GOLGA4: variants seen among roughly 807,000 people sequenced by gnomAD.
GOLGA4 encodes the protein golgin subfamily A member 4.
GOLGA4 carries 169 observed loss-of-function variants against 265.9 expected under a neutral mutation model. The ratio of observed to expected loss-of-function variants is 0.64; its 90% CI spans 0.56 to 0.72. The LOEUF is 0.72. Ranked by LOEUF, GOLGA4 falls within the 30% of genes least tolerant of loss-of-function variation. GOLGA4 has a pLI of 0.00. For synonymous variants in GOLGA4, 923 were observed against 855.8 expected, an observed-to-expected ratio of 1.08 and a Z score of -1.37; for missense variants, 2,482 against 2,483.4, an observed-to-expected ratio of 1.00 and a Z score of 0.01.
intron 21 of GOLGA4, among the ~76,000 whole-genome samples, chr3:37,348,301 A>G (rs1369739566): frequency 1.3e-5 from 2 of 152,202 alleles, no homozygotes; most frequent in Non-Finnish European, 2.9e-5. Context: ...TGAATCCTTA[A>G]TATCTGTAGA....
chr3:37,332,366 G>A (rs945036665), intron 16 of GOLGA4, among the ~76,000 whole-genome samples: 6 of 152,126 alleles, frequency 3.9e-5, no homozygotes, highest in African/African-American at 1.4e-4. Flanking sequence ...GCATGGCCAC[G>A]CCCAGTGGCT....
chr3:37,365,987 A>T (rs1159447972), intron 23 of GOLGA4, 93 bp from the exon 24 acceptor site: 1 of 1,104,996 alleles, frequency 9.0e-7, no homozygotes, highest in Non-Finnish European at 1.3e-6. Flanking sequence ...TTTTATTTCA[A>T]ACTTGAAAAA....
intron 2 of GOLGA4, among the ~76,000 whole-genome samples, chr3:37,281,722 A>G (rs142713723): frequency 6.6e-6 from 1 of 152,314 alleles, no homozygotes; most frequent in Non-Finnish European, 1.5e-5. Flanking sequence ...ACTGAAGGGC[A>G]TTCTACCTCT....
At chr3:37,299,114 G>A (rs1387137000) in intron 8 of GOLGA4, 94 bp downstream of exon 8, 18 of 1,111,818 alleles carry the variant, frequency 1.6e-5, no homozygotes, top group Non-Finnish European at 2.2e-5. Flanking sequence ...GAGGAGAGTG[G>A]ATGGAAAGGG....
intron 20 of GOLGA4, among the ~76,000 whole-genome samples, chr3:37,343,611 C>G (rs530831807): frequency 2.6e-5 from 4 of 152,208 alleles, no homozygotes; most frequent in Non-Finnish European, 5.9e-5. Flanking sequence ...CCAGGTCCTT[C>G]TCCACCTTTG....
chr3:37,327,952 A>T, intron 14 of GOLGA4, 127 bp downstream of exon 14: 1 of 709,628 alleles, frequency 1.4e-6, no homozygotes, highest in Non-Finnish European at 2.3e-6. Context: ...ATTAAACATA[A>T]ATCCAATATG....
intron 3 of GOLGA4, among the ~76,000 whole-genome samples, chr3:37,283,180 A>G (rs1053237834): frequency 6.6e-6 from 1 of 152,180 alleles, no homozygotes; most frequent in Non-Finnish European, 1.5e-5. Context: ...AAAACAAAAC[A>G]ACCCAAATGA....
At chr3:37,345,838 T>C (rs561662916) in intron 20 of GOLGA4, among the ~76,000 whole-genome samples, 2 of 151,788 alleles carry the variant, frequency 1.3e-5, no homozygotes, top group African/African-American at 4.8e-5. Context: ...TCTCAGCTGC[T>C]CGGTAGGCTG....
intron 1 of GOLGA4, among the ~76,000 whole-genome samples, chr3:37,247,452 A>C (rs950155614): frequency 5.9e-5 from 9 of 152,202 alleles, no homozygotes; most frequent in African/African-American, 1.9e-4. Flanking sequence ...TGTGCAAAAT[A>C]AGGCATTTCT....
In GOLGA4 at chr3:37,366,432, TAA is replaced by T. The variant is rs997607317; in HGVS notation, c.*390_*391del. The T allele has an allele frequency of 3.2e-5, 8 of 253,900 alleles. No homozygotes were observed. The highest frequency in any genetic ancestry group is 1.8e-4 in the African/African-American group (8 of 45,198). The allele number at this position is 253,900 out of a possible 1,614,324, so 15.7% of individuals were successfully genotyped here. On this transcript the variant is annotated 3_prime_UTR_variant, in exon 24 of 24. Coordinates refer to ENST00000361924, the MANE Select transcript of GOLGA4 (RefSeq NM_002078.5). ...CCTATTTATTTTTAGGGTGATTTTT[TAA>T]AAAGACTTGTGCAATACATTTTGAG... is the stretch of plus-strand genomic sequence containing the variant.
intron 10 of GOLGA4, among the ~76,000 whole-genome samples, chr3:37,304,432 G>A (rs1200303190): frequency 6.6e-6 from 1 of 152,176 alleles, no homozygotes; most frequent in African/African-American, 2.4e-5. Context: ...AGAGTAGATG[G>A]CATCTTTCAG....
intron 3 of GOLGA4, among the ~76,000 whole-genome samples, chr3:37,285,208 C>T (rs1056515610): frequency 2.0e-5 from 3 of 148,930 alleles, no homozygotes; most frequent in African/African-American, 5.0e-5. Flanking sequence ...ACTAAATTGC[C>T]CAGGCTGGTC....
intron 7 of GOLGA4, among the ~76,000 whole-genome samples, chr3:37,298,384 G>A (rs964830011): frequency 2.6e-5 from 4 of 152,096 alleles, no homozygotes; most frequent in Admixed American, 1.3e-4. Context: ...CTGGGTGGGA[G>A]CCACAAGATC....
chr3:37,249,886 A>C (rs903092269), intron 1 of GOLGA4: 2 of 152,218 alleles, frequency 1.3e-5, no homozygotes, highest in Non-Finnish European at 2.9e-5. Flanking sequence ...CCAGCATTGC[A>C]TCTGTCACTT....
rs1696770766 is a variant in GOLGA4 at position 37,366,713 on chromosome 3, C to T, written c.*667C>T. 1 of 152,612 alleles carries T rather than the reference C, an allele frequency of 6.6e-6. No individual in the cohort carries two copies. The highest frequency in any genetic ancestry group is 6.5e-5 in the Admixed American group (1 of 15,272). The allele number at this position is 152,612 out of a possible 1,614,324, so 9.5% of individuals were successfully genotyped here. A position where few individuals can be genotyped will look rare whatever the true frequency, so the allele number is the denominator to read the frequency against. On this transcript the variant is annotated 3_prime_UTR_variant, in exon 24 of 24. Transcript: ENST00000361924. Reference sequence around the variant, plus strand: ...TCTGTGATTGTTGGCAGTGTCATCTCTGAGAAACAGATAAATAAAGTTTAT... The same window carrying T: ...TCTGTGATTGTTGGCAGTGTCATCTTTGAGAAACAGATAAATAAAGTTTAT...
intron 5 of GOLGA4, among the ~76,000 whole-genome samples, chr3:37,292,596 G>T (rs963495019): frequency 6.6e-6 from 1 of 152,062 alleles, no homozygotes; most frequent in Non-Finnish European, 1.5e-5. Flanking sequence ...TGAGGCAGGA[G>T]AATCACTTGA....
At chr3:37,359,260 T>C (rs2097098358) in intron 22 of GOLGA4, among the ~76,000 whole-genome samples, 1 of 152,152 alleles carries the variant, frequency 6.6e-6, no homozygotes, top group Non-Finnish European at 1.5e-5. Flanking sequence ...GCTCATCTAA[T>C]TGTTAGTGTT....
chr3:37,293,856 C>G (rs1052532422), intron 5 of GOLGA4, among the ~76,000 whole-genome samples: 3 of 152,162 alleles, frequency 2.0e-5, no homozygotes, highest in Non-Finnish European at 4.4e-5. Context: ...TGCTATATAC[C>G]TAGGCAATAT....
At chr3:37,321,942 T>G in intron 13 of GOLGA4, 56 bp downstream of exon 13, 1 of 1,424,324 alleles carries the variant, frequency 7.0e-7, no homozygotes, top group South Asian at 1.3e-5. Flanking sequence ...CATATGAAAA[T>G]TTGTTGTCTC....
Sources: allele counts gnomAD v4.1 joint callset (sites outside exome capture counted in the v4.1 genomes callset), GRCh38; gene constraint gnomAD v4.1.1; transcripts MANE v1.5; gene names NCBI Gene and HGNC (gene_info 2026-07-23, HGNC 2026-07-21).